DACH1: variants seen among roughly 807,000 people sequenced by gnomAD.
DACH1 encodes the protein dachshund homolog 1.
DACH1 carries 12 observed loss-of-function variants against 54.2 expected under a neutral mutation model. That is an observed-to-expected ratio of 0.22 (90% CI 0.14 to 0.36). The LOEUF is 0.36. DACH1 is among the 10% of genes least tolerant of loss of function. The probability of loss-of-function intolerance (pLI) is 1.00; values close to 1 mark genes in which losing one functional copy is unlikely to be tolerated. For missense variants in DACH1, 805 were observed against 929.8 expected (o/e 0.87, Z 1.75); for synonymous variants, 386 against 366.2 (o/e 1.05, Z -0.62).
intron 6 of DACH1, among the ~76,000 whole-genome samples, chr13:71,501,783 C>G (rs929662502): frequency 6.6e-6 from 1 of 152,174 alleles, no homozygotes; most frequent in African/African-American, 2.4e-5. Flanking sequence ...CCATAAATAA[C>G]TAGCACACAG....
chr13:71,540,129 T>C (rs915214996), intron 6 of DACH1, among the ~76,000 whole-genome samples: 6 of 152,058 alleles, frequency 3.9e-5, no homozygotes, highest in African/African-American at 1.4e-4. Context: ...GGAAAATGTT[T>C]CCAATTAGAT....
chr13:71,439,744 A>C lies in DACH1; in HGVS notation c.*911T>G, dbSNP rs987374780. ...TTAAAACCAGAAAGACATCTTTCTGACCAACAGGGTGACAAAACATATTTT... is the reference window on the plus strand; with the variant it reads ...TTAAAACCAGAAAGACATCTTTCTGCCCAACAGGGTGACAAAACATATTTT... On this transcript the variant is annotated 3_prime_UTR_variant, in exon 11 of 11. Coordinates refer to ENST00000613252, the MANE Select transcript of DACH1 (RefSeq NM_080759.6). 3 of 152,390 alleles carry C rather than the reference A, an allele frequency of 2.0e-5. No homozygotes were observed. The highest frequency in any genetic ancestry group is 7.2e-5 in the African/African-American group (3 of 41,416). 9.4% of individuals were successfully genotyped at this position (152,390 alleles called of 1,614,324 possible). A position where few individuals can be genotyped will look rare whatever the true frequency, so the allele number is the denominator to read the frequency against.
chr13:71,599,488 C>A (rs552941039), intron 3 of DACH1, among the ~76,000 whole-genome samples: 82 of 152,094 alleles, frequency 5.4e-4, no homozygotes, highest in Non-Finnish European at 9.7e-4. Context: ...ATCTAATTTA[C>A]TTATATGCCA....
At chr13:71,493,918 CAA>C (rs1373888413) in intron 6 of DACH1, among the ~76,000 whole-genome samples, 2 of 151,968 alleles carry the variant, frequency 1.3e-5, no homozygotes, top group East Asian at 3.9e-4. Context: ...AATTTCAGAA[CAA>C]GTTATTAATT....
intron 7 of DACH1, among the ~76,000 whole-genome samples, chr13:71,486,868 G>T (rs527864725): frequency 8.0e-5 from 12 of 150,906 alleles, no homozygotes; most frequent in African/African-American, 2.9e-4. Flanking sequence ...ATCTGAGATG[G>T]AGTTTCACTC....
intron 7 of DACH1, among the ~76,000 whole-genome samples, chr13:71,486,921 T>G (rs967222816): frequency 6.6e-6 from 1 of 152,090 alleles, no homozygotes; most frequent in Non-Finnish European, 1.5e-5. Flanking sequence ...CTCAGCTCAC[T>G]GCAACCTCCA....
At chr13:71,733,035 A>C (rs1025051760) in intron 1 of DACH1, among the ~76,000 whole-genome samples, 1 of 152,100 alleles carries the variant, frequency 6.6e-6, no homozygotes, top group African/African-American at 2.4e-5. Context: ...TCACCTCCAA[A>C]CAACCAAACC....
chr13:71,856,531 T>C (rs73505534), intron 1 of DACH1, among the ~76,000 whole-genome samples: 8,697 of 152,014 alleles, frequency 0.057, 664 homozygotes, highest in African/African-American at 0.17. Flanking sequence ...ATGCAAAAAG[T>C]AATGTGAAAT....
chr13:71,787,092 C>T (rs1326506048), intron 1 of DACH1, among the ~76,000 whole-genome samples: 2 of 152,154 alleles, frequency 1.3e-5, no homozygotes, highest in Non-Finnish European at 2.9e-5. Flanking sequence ...ACTACAAGGC[C>T]TCAAATCTTG....
At chr13:71,629,812 C>T (rs1351550554) in intron 3 of DACH1, among the ~76,000 whole-genome samples, 1 of 151,976 alleles carries the variant, frequency 6.6e-6, no homozygotes, top group Admixed American at 6.6e-5. Flanking sequence ...AGAAACAATA[C>T]AAGTGCAATA....
intron 1 of DACH1, among the ~76,000 whole-genome samples, chr13:71,757,305 T>C (rs1259987803): frequency 2.0e-5 from 3 of 151,978 alleles, no homozygotes; most frequent in Non-Finnish European, 4.4e-5. Flanking sequence ...ACACAAGCAA[T>C]ATAAGGAAAT....
At chr13:71,519,000 A>G (rs1881365205) in intron 6 of DACH1, among the ~76,000 whole-genome samples, 1 of 151,984 alleles carries the variant, frequency 6.6e-6, no homozygotes, top group African/African-American at 2.4e-5. Flanking sequence ...GTTCATTTAT[A>G]TACCATATAC....
At chr13:71,550,936 C>G (rs61957821) in intron 6 of DACH1, among the ~76,000 whole-genome samples, 3,875 of 152,016 alleles carry the variant, frequency 0.025, 60 homozygotes, top group Middle Eastern at 0.071. Context: ...GGAGAAGTTG[C>G]GTGTTAGAGA....
intron 6 of DACH1, among the ~76,000 whole-genome samples, chr13:71,503,548 A>T (rs1445279685): frequency 6.6e-6 from 1 of 152,312 alleles, no homozygotes; most frequent in East Asian, 1.9e-4. Flanking sequence ...AACTTAGGAG[A>T]TTTAAATTCT....
intron 1 of DACH1, among the ~76,000 whole-genome samples, chr13:71,862,598 G>C (rs963091864): frequency 7.2e-5 from 11 of 151,882 alleles, no homozygotes; most frequent in African/African-American, 1.7e-4. Context: ...TGTCTAGCAG[G>C]TGATAGTCTC....
chr13:71,524,634 G>A (rs1302992448), intron 6 of DACH1, among the ~76,000 whole-genome samples: 1 of 152,012 alleles, frequency 6.6e-6, no homozygotes, highest in African/African-American at 2.4e-5. Context: ...TCTTTTGAAT[G>A]ACAGAAATAA....
intron 1 of DACH1, among the ~76,000 whole-genome samples, chr13:71,728,499 A>C (rs1421597419): frequency 2.0e-5 from 3 of 152,050 alleles, no homozygotes; most frequent in Non-Finnish European, 4.4e-5. Flanking sequence ...GCCTCTAAAG[A>C]GAAAAAAATT....
chr13:71,646,937 T>C (rs1878315220), intron 2 of DACH1, among the ~76,000 whole-genome samples: 2 of 152,206 alleles, frequency 1.3e-5, no homozygotes, highest in Non-Finnish European at 2.9e-5. Context: ...TTACCAATAC[T>C]CAGGTGTCTT....
intron 2 of DACH1, among the ~76,000 whole-genome samples, chr13:71,636,233 A>G (rs1877481794): frequency 6.6e-6 from 1 of 152,196 alleles, no homozygotes; most frequent in Admixed American, 6.6e-5. Flanking sequence ...GGTTTTGCAT[A>G]AAAACACATT....
Sources: allele counts gnomAD v4.1 joint callset (sites outside exome capture counted in the v4.1 genomes callset), GRCh38; gene constraint gnomAD v4.1.1; transcripts MANE v1.5; gene names NCBI Gene and HGNC (gene_info 2026-07-23, HGNC 2026-07-21).